Variants in ASIC2 observed in about 807,000 individuals in gnomAD.
The protein encoded by ASIC2 is acid sensing ion channel subunit 2, also known as acid-sensing ion channel 2.
ASIC2 carries 25 observed loss-of-function variants against 57.3 expected under a neutral mutation model. That is an observed-to-expected ratio of 0.44 (90% confidence interval 0.32 to 0.61). The LOEUF is 0.61. ASIC2 is among the 20% of genes least tolerant of loss of function. ASIC2 has a pLI of 0.06. For missense variants in ASIC2, 641 were observed against 738.1 expected (o/e 0.87, Z 1.52); for synonymous variants, 319 against 307.5 (o/e 1.04, Z -0.39).
At chr17:33,855,372 T>C (rs402601) in intron 1 of ASIC2, among the ~76,000 whole-genome samples, 112,766 of 152,084 alleles carry the variant, frequency 0.74, 42,118 homozygotes, top group East Asian at 0.97. Flanking sequence ...ACTGAATAGC[T>C]GTGTGATTAC....
chr17:33,015,151 G>A (rs2091799149), intron 9 of ASIC2, among the ~76,000 whole-genome samples: 1 of 152,324 alleles, frequency 6.6e-6, no homozygotes, highest in South Asian at 2.1e-4. Flanking sequence ...GGGAGAAGGG[G>A]CTGGGATCCA....
chr17:33,868,257 T>C (rs1016699395), intron 1 of ASIC2, among the ~76,000 whole-genome samples: 9 of 152,072 alleles, frequency 5.9e-5, no homozygotes, highest in South Asian at 2.1e-4. Flanking sequence ...TTACAAGTTA[T>C]ACAATCTCTG....
At chr17:33,618,624 G>A (rs569407560) in intron 1 of ASIC2, among the ~76,000 whole-genome samples, 200 of 152,218 alleles carry the variant, frequency 1.3e-3, no homozygotes, top group African/African-American at 4.5e-3. Flanking sequence ...TGCCACTTAC[G>A]CTGTGGACAT....
chr17:33,759,297 G>A (rs1910707135), intron 1 of ASIC2, among the ~76,000 whole-genome samples: 1 of 152,188 alleles, frequency 6.6e-6, no homozygotes, highest in Non-Finnish European at 1.5e-5. Context: ...TAACAGAAGA[G>A]CATATCTGGC....
At chr17:33,102,240 G>C (rs555836651) in intron 2 of ASIC2, among the ~76,000 whole-genome samples, 4 of 152,272 alleles carry the variant, frequency 2.6e-5, no homozygotes, top group African/African-American at 9.6e-5. Context: ...TAGTTTGCTG[G>C]ATATAGAATT....
At chr17:33,664,094 A>G (rs1053769537) in intron 1 of ASIC2, among the ~76,000 whole-genome samples, 3 of 152,162 alleles carry the variant, frequency 2.0e-5, no homozygotes, top group African/African-American at 7.2e-5. Context: ...ATCTGATGCT[A>G]TCATCTACCT....
chr17:34,129,968 T>C (rs1911902179), intron 1 of ASIC2, among the ~76,000 whole-genome samples: 1 of 152,134 alleles, frequency 6.6e-6, no homozygotes, highest in Non-Finnish European at 1.5e-5. Flanking sequence ...GCTGGCCCAG[T>C]GGAGCAGGAA....
chr17:33,074,260 A>G (rs773673784), intron 3 of ASIC2, among the ~76,000 whole-genome samples: 5 of 152,238 alleles, frequency 3.3e-5, no homozygotes, highest in Non-Finnish European at 7.3e-5. Flanking sequence ...GTAGCCATAT[A>G]GTAAAATCTT....
At chr17:33,722,605 A>AG (rs1909422542) in intron 1 of ASIC2, among the ~76,000 whole-genome samples, 1 of 132,980 alleles carries the variant, frequency 7.5e-6, no homozygotes, top group African/African-American at 3.7e-5. Context: ...TCTACAAAAA[A>AG]GGAAAAAAAA....
chr17:34,008,514 T>C (rs4563082), intron 1 of ASIC2, among the ~76,000 whole-genome samples: 26,669 of 152,080 alleles, frequency 0.18, 2,514 homozygotes, highest in East Asian at 0.35. Context: ...CTACAAACCA[T>C]GCCATGATTA....
intron 1 of ASIC2, among the ~76,000 whole-genome samples, chr17:33,247,418 G>C (rs528658428): frequency 1.3e-5 from 2 of 152,282 alleles, no homozygotes; most frequent in East Asian, 3.9e-4. Flanking sequence ...CAGCTCTTCA[G>C]CTCTCCTTCG....
At chr17:33,015,946 C>A in intron 9 of ASIC2, 25 bp downstream of exon 9, 1 of 1,613,600 alleles carries the variant, frequency 6.2e-7, no homozygotes, top group Non-Finnish European at 8.5e-7. Flanking sequence ...AGCAGAACAA[C>A]TTCCAATCAG....
intron 1 of ASIC2, among the ~76,000 whole-genome samples, chr17:33,971,674 C>T (rs185235404): frequency 4.6e-5 from 7 of 152,152 alleles, no homozygotes; most frequent in Admixed American, 2.0e-4. Context: ...TTTCTACCTA[C>T]GAATCTACCT....
At chr17:33,451,478 A>G (rs570478176) in intron 1 of ASIC2, among the ~76,000 whole-genome samples, 3 of 151,994 alleles carry the variant, frequency 2.0e-5, no homozygotes, top group African/African-American at 4.8e-5. Flanking sequence ...CAGGCTCCCC[A>G]TCTCAGTAGT....
intron 1 of ASIC2, among the ~76,000 whole-genome samples, chr17:33,182,578 AG>A (rs1043079307): frequency 3.3e-5 from 5 of 152,164 alleles, no homozygotes; most frequent in African/African-American, 1.2e-4. Flanking sequence ...GTTCTTTTTT[AG>A]TACCTTGCTC....
intron 1 of ASIC2, among the ~76,000 whole-genome samples, chr17:33,674,719 C>T (rs759031681): frequency 2.0e-5 from 3 of 152,158 alleles, no homozygotes; most frequent in East Asian, 1.9e-4. Context: ...CCATGCCGCT[C>T]GTTCTGTGAT....
chr17:34,081,503 G>A (rs951643151), intron 1 of ASIC2, among the ~76,000 whole-genome samples: 3 of 152,184 alleles, frequency 2.0e-5, no homozygotes, highest in Admixed American at 6.5e-5. Flanking sequence ...GCTTTCCCCA[G>A]CACAGGAAAT....
intron 1 of ASIC2, among the ~76,000 whole-genome samples, chr17:33,775,332 A>C (rs914419267): frequency 2.0e-5 from 3 of 152,230 alleles, no homozygotes; most frequent in African/African-American, 7.2e-5. Context: ...ACTCCCAGGC[A>C]CAGAGGATGC....
intron 1 of ASIC2, among the ~76,000 whole-genome samples, chr17:33,193,938 C>T (rs1282416536): frequency 1.3e-5 from 2 of 152,154 alleles, no homozygotes; most frequent in African/African-American, 4.8e-5. Flanking sequence ...TCTGGGAATA[C>T]TTTCTAGTAT....
Sources: allele counts gnomAD v4.1 joint callset (sites outside exome capture counted in the v4.1 genomes callset), GRCh38; gene constraint gnomAD v4.1.1; transcripts MANE v1.5; gene names NCBI Gene and HGNC (gene_info 2026-07-23, HGNC 2026-07-21).